Variants in UPP2 observed in about 807,000 individuals in gnomAD.
UPP2 encodes uridine phosphorylase 2, also known as UPase 2.
UPP2 carries 23 observed loss-of-function variants against 26.7 expected under a neutral mutation model. The ratio of observed to expected loss-of-function variants is 0.86; its 90% CI spans 0.62 to 1.22. The LOEUF (loss-of-function observed/expected upper bound fraction) is 1.22, where lower values mean the gene tolerates loss of function less well. Among genes scored for constraint, UPP2 ranks in the 50% most tolerant of loss-of-function variants. The pLI is 0.00. For missense variants in UPP2, 387 were observed against 396.7 expected (o/e 0.98, Z 0.21); for synonymous variants, 127 against 141.3 (o/e 0.90, Z 0.72).
At chr2:158,120,910 A>T (rs1683551366) in intron 4 of UPP2, among the ~76,000 whole-genome samples, 1 of 152,022 alleles carries the variant, frequency 6.6e-6, no homozygotes, top group Admixed American at 6.6e-5. Context: ...AGCAACTCAG[A>T]CTTTGTAGCC....
intron 3 of UPP2, among the ~76,000 whole-genome samples, chr2:158,040,020 A>G (rs529718973): frequency 2.2e-4 from 33 of 152,334 alleles, no homozygotes; most frequent in African/African-American, 7.5e-4. Context: ...CTCTGTGTCC[A>G]AAAGGAAGCC....
At chr2:158,038,557 C>T (rs1684037692) in intron 3 of UPP2, among the ~76,000 whole-genome samples, 1 of 152,160 alleles carries the variant, frequency 6.6e-6, no homozygotes, top group Non-Finnish European at 1.5e-5. Context: ...TTTTCCAGTT[C>T]AGTTATTCAT....
At chr2:158,033,639 T>C (rs966895374) in intron 3 of UPP2, among the ~76,000 whole-genome samples, 7 of 152,084 alleles carry the variant, frequency 4.6e-5, no homozygotes, top group Admixed American at 6.6e-5. Context: ...CAGCAATAAC[T>C]AACTAGTTCT....
chr2:158,096,775 T>C lies in UPP2; in HGVS notation c.148-5265T>C, dbSNP rs559899915. Among the ~76,000 whole-genome samples the C allele has an allele frequency of 2.0e-5, 3 of 152,174 alleles. No individual in the cohort carries two copies. The East Asian group carries it at 5.8e-4, about 29-fold the overall frequency. ...AATATTAAATTTTTGAAAACAAAGT[T>C]GTAAAGGAAGGTAGAGTGGGATAGT... On this transcript the variant is annotated intron_variant, in intron 3 of 9. Coordinates refer to the UPP2 transcript ENST00000605860.
chr2:158,104,036 T>C (rs771215243), intron 1 of UPP2, among the ~76,000 whole-genome samples: 1 of 152,232 alleles, frequency 6.6e-6, no homozygotes, highest in Non-Finnish European at 1.5e-5. Flanking sequence ...AAATTAATAG[T>C]ATTTTGTTCC....
chr2:158,132,466 A>T (rs988017437), intron 6 of UPP2, among the ~76,000 whole-genome samples: 1 of 152,248 alleles, frequency 6.6e-6, no homozygotes, highest in East Asian at 1.9e-4. Context: ...TCATTTAATC[A>T]TCTGTCGAAA....
intron 2 of UPP2, among the ~76,000 whole-genome samples, chr2:158,002,823 G>A (rs1683429183): frequency 1.3e-5 from 2 of 152,200 alleles, no homozygotes; most frequent in Non-Finnish European, 2.9e-5. Context: ...CCCATTATTA[G>A]CTGGCAACAC....
intron 2 of UPP2, among the ~76,000 whole-genome samples, chr2:158,106,927 T>C (rs1201607851): frequency 6.6e-6 from 1 of 152,260 alleles, no homozygotes; most frequent in African/African-American, 2.4e-5. Flanking sequence ...GTTGTAATTA[T>C]ATAACTGCAT....
intron 3 of UPP2, among the ~76,000 whole-genome samples, chr2:158,059,696 G>A (rs748321853): frequency 1.3e-5 from 2 of 152,226 alleles, no homozygotes; most frequent in South Asian, 2.1e-4. Context: ...GGCACACAGA[G>A]CTCTGGAGTG....
chr2:158,029,651 C>T (rs1397302687), intron 3 of UPP2, among the ~76,000 whole-genome samples: 3 of 151,520 alleles, frequency 2.0e-5, no homozygotes, highest in Non-Finnish European at 4.4e-5. Flanking sequence ...ATAAACTGGG[C>T]ACTCCTTACC....
intron 3 of UPP2, among the ~76,000 whole-genome samples, chr2:158,066,500 T>A (rs1244123222): frequency 6.6e-6 from 1 of 152,238 alleles, no homozygotes; most frequent in Non-Finnish European, 1.5e-5. Flanking sequence ...ACTCTAGACC[T>A]TATGTAGTTT....
intron 3 of UPP2, among the ~76,000 whole-genome samples, chr2:158,090,284 C>T (rs953767838): frequency 6.6e-6 from 1 of 152,116 alleles, no homozygotes; most frequent in South Asian, 2.1e-4. Flanking sequence ...GGGCGGATCA[C>T]GAGGTCGGGG....
intron 3 of UPP2, chr2:158,065,597 G>A: frequency 1.8e-6 from 1 of 563,714 alleles, no homozygotes; most frequent in Non-Finnish European, 3.4e-6. Context: ...AAGAACATGA[G>A]GATTTCTTAC....
chr2:158,055,613 C>T (rs187523834), intron 3 of UPP2, among the ~76,000 whole-genome samples: 43 of 152,206 alleles, frequency 2.8e-4, no homozygotes, highest in African/African-American at 8.7e-4. Flanking sequence ...CTCTTTTATA[C>T]AATTTTTGAA....
chr2:158,119,677 A>G (rs1558938370), intron 4 of UPP2, among the ~76,000 whole-genome samples: 3 of 152,060 alleles, frequency 2.0e-5, no homozygotes, highest in Non-Finnish European at 4.4e-5. Flanking sequence ...CTTTCTTAGG[A>G]CATTGTGAAC....
chr2:158,133,560 G>A (rs937926685), intron 6 of UPP2, among the ~76,000 whole-genome samples: 1 of 151,998 alleles, frequency 6.6e-6, no homozygotes, highest in Non-Finnish European at 1.5e-5. Context: ...ATAGATATGT[G>A]AATTAGGCTA....
At chr2:158,100,543 G>C (rs1683058436), upstream of UPP2, among the ~76,000 whole-genome samples, 1 of 152,216 alleles carries the variant, frequency 6.6e-6, no homozygotes, top group Non-Finnish European at 1.5e-5. Flanking sequence ...GCAGTAGTGA[G>C]TGAGTATGTT....
intron 1 of UPP2, among the ~76,000 whole-genome samples, chr2:158,104,488 G>C (rs1018049451): frequency 6.6e-6 from 1 of 152,166 alleles, no homozygotes; most frequent in Non-Finnish European, 1.5e-5. Context: ...ATTAATTAGT[G>C]CCTGGTCACC....
chr2:158,131,470 G>A (rs1221144757), intron 6 of UPP2, among the ~76,000 whole-genome samples: 1 of 152,160 alleles, frequency 6.6e-6, no homozygotes, highest in Non-Finnish European at 1.5e-5. Context: ...AATATTTTGT[G>A]TGTATTGGCA....
Sources: allele counts gnomAD v4.1 joint callset (sites outside exome capture counted in the v4.1 genomes callset), GRCh38; gene constraint gnomAD v4.1.1; transcripts MANE v1.5; gene names NCBI Gene and HGNC (gene_info 2026-07-23, HGNC 2026-07-21).